The following PIWIL2 variants were observed in gnomAD, a reference collection of about 807,000 sequenced individuals.
PIWIL2 encodes piwi like RNA-mediated gene silencing 2.
PIWIL2 carries 81 observed loss-of-function variants against 116.5 expected under a neutral mutation model. That is an observed-to-expected ratio of 0.70 (90% confidence interval 0.58 to 0.84). PIWIL2 has a LOEUF of 0.84. PIWIL2 is among the 40% of genes least tolerant of loss of function. The probability of loss-of-function intolerance (pLI) is 0.00; values close to 1 mark genes in which losing one functional copy is unlikely to be tolerated. For synonymous variants in PIWIL2, 489 were observed against 429.5 expected (o/e 1.14, Z -1.71); for missense variants, 1,272 against 1,212.3 (o/e 1.05, Z -0.73).
At position 22,288,402 on chromosome 8, in the gene PIWIL2, G is replaced by A. The variant is rs1466176144; in HGVS notation, c.862-140G>A. On this transcript the variant is annotated intron_variant, in intron 7 of 22. Transcript: ENST00000356766. The stretch of plus-strand genomic sequence containing the variant: ...GTCATGCTGTGCTTTTGCTAGTGTG[G>A]GCAACAAAGTGAGGGGAAAAGTAGA... 2.2e-5 allele frequency: 12 copies of A among 535,936 alleles called. No individual in the cohort carries two copies. The East Asian group carries it at 3.6e-4, about 16-fold the overall frequency. The allele number at this position is 535,936 out of a possible 1,614,324, so 33.2% of individuals were successfully genotyped here. A position where few individuals can be genotyped will look rare whatever the true frequency, so the allele number is the denominator to read the frequency against.
intron 20 of PIWIL2, among the ~76,000 whole-genome samples, chr8:22,326,979 G>A (rs1831739152): frequency 6.9e-6 from 1 of 144,348 alleles, no homozygotes; most frequent in Non-Finnish European, 1.5e-5. Flanking sequence ...GAAGTTTTCA[G>A]TTTCTCCAAA....
chr8:22,332,329 TAATC>T (rs1411012939), intron 20 of PIWIL2, among the ~76,000 whole-genome samples: 2 of 151,794 alleles, frequency 1.3e-5, no homozygotes, highest in Non-Finnish European at 2.9e-5. Flanking sequence ...AAAATAAAAA[TAATC>T]AAACTGTAAC....
intron 10 of PIWIL2, among the ~76,000 whole-genome samples, chr8:22,297,237 A>G (rs1337522875): frequency 2.0e-5 from 3 of 151,920 alleles, no homozygotes; most frequent in African/African-American, 2.4e-5. Flanking sequence ...TGATTCTCCT[A>G]CCTCAGCCTC....
chr8:22,333,501 A>G (rs1382642121), intron 20 of PIWIL2, among the ~76,000 whole-genome samples: 1 of 152,068 alleles, frequency 6.6e-6, no homozygotes, highest in Non-Finnish European at 1.5e-5. Context: ...AATCCTAGCT[A>G]GTCGGGAGGC....
At chr8:22,319,359 A>G (rs894010897) in intron 20 of PIWIL2, among the ~76,000 whole-genome samples, 2 of 152,200 alleles carry the variant, frequency 1.3e-5, no homozygotes, top group Non-Finnish European at 1.5e-5. Flanking sequence ...TGAGTCACCA[A>G]GTTCTACCAG....
At chr8:22,355,235 C>T in intron 22 of PIWIL2, 114 bp from the exon 23 acceptor site, 2 of 940,148 alleles carry the variant, frequency 2.1e-6, no homozygotes, top group Non-Finnish European at 3.3e-6. Context: ...CTCTGCTCCC[C>T]AGTTTTCAGG....
Position 22,288,665 on chromosome 8 carries a change from C to A in PIWIL2, c.985C>A (p.Arg329=), listed in dbSNP as rs746182750. Residue 329 remains arginine, a splice_region_variant and synonymous_variant, in exon 8 of 23, where the codon CGG becomes AGG. Coordinates refer to ENST00000356766, the MANE Select transcript of PIWIL2 (RefSeq NM_018068.5). ...CIPFYNVVFR[R]VMKLLDMKLV... ...TCCCTTCTACAATGTTGTTTTCCGT[C>A]GGTAAGAAAACAGCTGAAGTTCTAT... is the stretch of plus-strand genomic sequence containing the variant. The A allele has an allele frequency of 3.7e-6, 6 of 1,606,314 alleles. No individual in the cohort carries two copies. The South Asian group carries it at 6.7e-5, about 18-fold the overall frequency.
chr8:22,324,429 C>A (rs547676247), intron 20 of PIWIL2, among the ~76,000 whole-genome samples: 1 of 152,162 alleles, frequency 6.6e-6, no homozygotes, highest in African/African-American at 2.4e-5. Flanking sequence ...CAATACTAGC[C>A]TAGCAAACGT....
intron 14 of PIWIL2, among the ~76,000 whole-genome samples, chr8:22,309,670 T>G (rs1310104554): frequency 1.3e-5 from 2 of 152,252 alleles, no homozygotes; most frequent in African/African-American, 4.8e-5. Context: ...ATTGTTTTCC[T>G]TTATTCAGTC....
chr8:22,328,668 A>T (rs954636771), intron 20 of PIWIL2, among the ~76,000 whole-genome samples: 9 of 151,876 alleles, frequency 5.9e-5, no homozygotes, highest in African/African-American at 2.2e-4. Flanking sequence ...GTTTATTCCT[A>T]GCTATTTTAT....
chr8:22,336,186 A>G (rs779092730), intron 20 of PIWIL2, among the ~76,000 whole-genome samples: 13 of 152,180 alleles, frequency 8.5e-5, no homozygotes, highest in Non-Finnish European at 1.5e-4. Flanking sequence ...CCCAGCAACC[A>G]CATACACATT....
chr8:22,329,024 G>T (rs2132076108), intron 20 of PIWIL2, among the ~76,000 whole-genome samples: 1 of 151,968 alleles, frequency 6.6e-6, no homozygotes, highest in African/African-American at 2.4e-5. Flanking sequence ...GCTAAAATCA[G>T]GCATCTTTGT....
intron 19 of PIWIL2, among the ~76,000 whole-genome samples, chr8:22,317,456 T>A (rs895896385): frequency 4.6e-5 from 7 of 152,138 alleles, no homozygotes; most frequent in African/African-American, 1.7e-4. Context: ...ATTCCTTAGC[T>A]TAATATGCAG....
At chr8:22,312,572 T>C (rs1398550814) in intron 16 of PIWIL2, among the ~76,000 whole-genome samples, 1 of 152,152 alleles carries the variant, frequency 6.6e-6, no homozygotes, top group East Asian at 1.9e-4. Flanking sequence ...AGCAGCATTC[T>C]GTTTTTGATC....
intron 13 of PIWIL2, among the ~76,000 whole-genome samples, chr8:22,307,473 ATT>A (rs56755716): frequency 0.045 from 4,948 of 109,834 alleles, 351 homozygotes; most frequent in African/African-American, 0.22. Context: ...TTTATTATTC[ATT>A]TTTTTTTTTT....
Position 22,354,283 on chromosome 8 carries a change from T to C in PIWIL2, c.2670T>C (p.Tyr890=). 5 of 1,611,688 alleles carry C rather than the reference T, an allele frequency of 3.1e-6. No homozygotes were observed. The highest frequency in any genetic ancestry group is 4.2e-6 in the Non-Finnish European group (5 of 1,177,796). The change falls in exon 22 of 23, where the codon TAT becomes TAC. Residue 890 remains tyrosine (Y), a synonymous_variant. Transcript: ENST00000356766. ...TTTTCCTTCCTAGGGTGGATTTCTATCTTCTTGCCCATCATGTACGGCAGG... is the reference window on the plus strand; with the variant it reads ...TTTTCCTTCCTAGGGTGGATTTCTACCTTCTTGCCCATCATGTACGGCAGG... ...TITSCEWVDF[Y]LLAHHVRQGC...
At chr8:22,285,798 T>A (rs959410753) in intron 6 of PIWIL2, among the ~76,000 whole-genome samples, 2 of 152,054 alleles carry the variant, frequency 1.3e-5, no homozygotes, top group Non-Finnish European at 2.9e-5. Context: ...AGCGCCCCCA[T>A]GCCTGGCTAA....
intron 10 of PIWIL2, among the ~76,000 whole-genome samples, chr8:22,302,068 TTTC>T (rs1200968265): frequency 2.0e-5 from 3 of 152,208 alleles, no homozygotes; most frequent in Admixed American, 6.5e-5. Context: ...TCTCTTGTGC[TTTC>T]TTCTTTGATC....
intron 20 of PIWIL2, among the ~76,000 whole-genome samples, chr8:22,349,135 G>GC (rs1194897251): frequency 2.1e-5 from 3 of 145,168 alleles, no homozygotes; most frequent in African/African-American, 5.0e-5. Flanking sequence ...TGCAACCTCT[G>GC]CCCCCCGGGT....
Sources: allele counts gnomAD v4.1 joint callset (sites outside exome capture counted in the v4.1 genomes callset), GRCh38; gene constraint gnomAD v4.1.1; transcripts MANE v1.5; gene names NCBI Gene and HGNC (gene_info 2026-07-23, HGNC 2026-07-21).